Variants in KALRN observed in about 807,000 individuals in gnomAD.
KALRN encodes the protein kalirin.
In KALRN, 70 loss-of-function variants were observed where a neutral mutation model predicts 353.7. The observed-to-expected ratio is 0.20, with a 90% CI of 0.16 to 0.24. KALRN has a LOEUF of 0.24. Among genes scored for constraint, KALRN ranks in the 10% least tolerant of loss-of-function variants. The probability of loss-of-function intolerance (pLI) is 1.00; values close to 1 mark genes in which losing one functional copy is unlikely to be tolerated. For synonymous variants in KALRN, 1,391 were observed against 1,434.8 expected (o/e 0.97, Z 0.69); for missense variants, 2,791 against 3,756.7 (o/e 0.74, Z 6.72).
intron 3 of KALRN, among the ~76,000 whole-genome samples, chr3:124,246,289 G>T (rs1351914195): frequency 6.6e-6 from 1 of 152,194 alleles, no homozygotes; most frequent in South Asian, 2.1e-4. Context: ...CATATATTGT[G>T]TACCTAAACC....
At chr3:124,612,282 C>T (rs2078078173) in intron 34 of KALRN, among the ~76,000 whole-genome samples, 2 of 152,336 alleles carry the variant, frequency 1.3e-5, no homozygotes, top group East Asian at 1.9e-4. Flanking sequence ...CGGCTCACCA[C>T]AACCTCTGCC....
At chr3:124,559,616 G>A (rs987181752) in intron 33 of KALRN, among the ~76,000 whole-genome samples, 1 of 152,160 alleles carries the variant, frequency 6.6e-6, no homozygotes, top group Non-Finnish European at 1.5e-5. Context: ...AATGCATGCC[G>A]AGATTCTGTG....
At chr3:124,249,960 G>A (rs565805787) in intron 3 of KALRN, among the ~76,000 whole-genome samples, 1 of 152,306 alleles carries the variant, frequency 6.6e-6, no homozygotes, top group African/African-American at 2.4e-5. Flanking sequence ...AACCCTGGCT[G>A]TGTGTCAGAG....
intron 3 of KALRN, among the ~76,000 whole-genome samples, chr3:124,240,190 A>G (rs1354342746): frequency 6.6e-6 from 1 of 152,226 alleles, no homozygotes; most frequent in Non-Finnish European, 1.5e-5. Flanking sequence ...ACATAAAGCC[A>G]CAGTAGTAAC....
chr3:124,101,876 A>T (rs1026911495), intron 1 of KALRN, among the ~76,000 whole-genome samples: 1 of 152,032 alleles, frequency 6.6e-6, no homozygotes, highest in Non-Finnish European at 1.5e-5. Context: ...CTGGATACCC[A>T]CTGTGGTCTG....
chr3:124,481,234 G>GTC (rs979453911), intron 27 of KALRN, among the ~76,000 whole-genome samples: 6 of 152,032 alleles, frequency 3.9e-5, no homozygotes, highest in Non-Finnish European at 8.8e-5. Context: ...TTGAGACAGG[G>GTC]TCTCTCTCTG....
intron 34 of KALRN, chr3:124,584,561 C>A: frequency 7.1e-6 from 9 of 1,262,526 alleles, no homozygotes; most frequent in African/African-American, 1.6e-5. Context: ...AGGCTCCGGC[C>A]GCTGCTGGCC....
intron 1 of KALRN, among the ~76,000 whole-genome samples, chr3:124,130,153 T>C (rs1578384867): frequency 6.6e-6 from 1 of 152,190 alleles, no homozygotes; most frequent in African/African-American, 2.4e-5. Flanking sequence ...AGTGTATAAA[T>C]TAAAGTTCCT....
intron 34 of KALRN, among the ~76,000 whole-genome samples, chr3:124,569,256 C>G (rs1188288187): frequency 1.3e-5 from 2 of 152,158 alleles, no homozygotes; most frequent in African/African-American, 4.8e-5. Context: ...AGTCCTCTCC[C>G]TGAAGGCCTC....
rs2041831151 is a variant in KALRN, at chr3:124,059,508, CCTGG to C, written c.73+25698_73+25701del. Among the ~76,000 whole-genome samples the C allele has an allele frequency of 5.9e-5, 9 of 152,208 alleles. No individual in the cohort carries two copies. In the South Asian group the frequency reaches 1.9e-3, roughly 32 times the overall value. ...CAATAGATTTCTTGAATGTATTCCT[CCTGG>C]CTAACTTAAATTTTGTATTCTTTGA... On this transcript the variant is annotated intron_variant, in intron 1 of 59. Coordinates refer to ENST00000682506, the MANE Select transcript of KALRN (RefSeq NM_001388419.1).
At chr3:124,471,116 G>A (rs2060847114) in intron 25 of KALRN, among the ~76,000 whole-genome samples, 2 of 152,060 alleles carry the variant, frequency 1.3e-5, no homozygotes, top group Non-Finnish European at 2.9e-5. Context: ...GTTTACCAAA[G>A]AGAATATGAG....
At chr3:124,240,746 G>A (rs1193509982) in intron 3 of KALRN, among the ~76,000 whole-genome samples, 1 of 152,146 alleles carries the variant, frequency 6.6e-6, no homozygotes, top group Non-Finnish European at 1.5e-5. Flanking sequence ...GATTCAAGGT[G>A]CAAATGGAAG....
chr3:124,335,701 C>T (rs1157752249), intron 9 of KALRN, among the ~76,000 whole-genome samples: 1 of 152,016 alleles, frequency 6.6e-6, no homozygotes, highest in Admixed American at 6.5e-5. Flanking sequence ...AGAAGCTGCT[C>T]GGGTGGACGC....
At chr3:124,288,599 G>T (rs754032899) in intron 5 of KALRN, among the ~76,000 whole-genome samples, 1 of 152,142 alleles carries the variant, frequency 6.6e-6, no homozygotes, top group Non-Finnish European at 1.5e-5. Context: ...GCAATAGTAG[G>T]GGTTGGTTTT....
chr3:124,693,735 G>A (rs759587312), intron 51 of KALRN, 69 bp from the exon 52 acceptor site: 13 of 1,044,666 alleles, frequency 1.2e-5, no homozygotes, highest in Admixed American at 2.3e-5. Flanking sequence ...TACTCAATAC[G>A]GTGAAGTCCC....
At chr3:124,330,244 T>TCA (rs1278125602) in intron 8 of KALRN, among the ~76,000 whole-genome samples, 46 of 96,252 alleles carry the variant, frequency 4.8e-4, no homozygotes, top group Non-Finnish European at 7.0e-4. Flanking sequence ...TCTCTCTCTC[T>TCA]CTCACACACA....
At chr3:124,328,041 A>T (rs1401027858) in intron 7 of KALRN, among the ~76,000 whole-genome samples, 1 of 152,216 alleles carries the variant, frequency 6.6e-6, no homozygotes, top group Non-Finnish European at 1.5e-5. Flanking sequence ...CTTACTAAAC[A>T]GTGGACATTA....
intron 1 of KALRN, among the ~76,000 whole-genome samples, chr3:124,125,529 T>C (rs1169563152): frequency 6.6e-6 from 1 of 152,166 alleles, no homozygotes; most frequent in African/African-American, 2.4e-5. Context: ...AGCTGTGATG[T>C]GGTGGGTGGA....
chr3:124,495,407 C>G (rs2063597555), intron 32 of KALRN, among the ~76,000 whole-genome samples: 1 of 152,128 alleles, frequency 6.6e-6, no homozygotes, highest in African/African-American at 2.4e-5. Flanking sequence ...ATATTCCACA[C>G]AACCTGTTTT....
Sources: allele counts gnomAD v4.1 joint callset (sites outside exome capture counted in the v4.1 genomes callset), GRCh38; gene constraint gnomAD v4.1.1; transcripts MANE v1.5; gene names NCBI Gene and HGNC (gene_info 2026-07-23, HGNC 2026-07-21).